Variants in PARVA observed in about 807,000 individuals in gnomAD.
PARVA encodes the protein alpha-parvin.
PARVA carries 25 observed loss-of-function variants against 52.6 expected under a neutral mutation model. The ratio of observed to expected loss-of-function variants is 0.48; its 90% confidence interval spans 0.35 to 0.66. The LOEUF (loss-of-function observed/expected upper bound fraction) is 0.66. PARVA is among the 30% of genes least tolerant of loss of function. PARVA has a pLI of 0.01. For synonymous variants in PARVA, 185 were observed against 179.1 expected, an observed-to-expected ratio of 1.03 and a Z score of -0.26; for missense variants, 373 against 450.9, an observed-to-expected ratio of 0.83 and a Z score of 1.56.
chr11:12,466,124 TG>T (rs1940851295), intron 1 of PARVA, among the ~76,000 whole-genome samples: 1 of 152,184 alleles, frequency 6.6e-6, no homozygotes, highest in African/African-American at 2.4e-5. Context: ...TATGCCTCTT[TG>T]CTATATGTAC....
intron 1 of PARVA, among the ~76,000 whole-genome samples, chr11:12,433,232 A>G (rs904805995): frequency 6.6e-5 from 10 of 152,114 alleles, no homozygotes; most frequent in African/African-American, 2.2e-4. Flanking sequence ...TCCCCACCCA[A>G]AGGATGAAAA....
upstream of PARVA, chr11:12,377,314 A>G: frequency 1.3e-6 from 1 of 794,198 alleles, no homozygotes; most frequent in Non-Finnish European, 1.8e-6. Context: ...GAGCCTGGGT[A>G]AATGAAGCTT....
At chr11:12,441,290 A>T (rs996219992) in intron 1 of PARVA, among the ~76,000 whole-genome samples, 1 of 152,138 alleles carries the variant, frequency 6.6e-6, no homozygotes, top group African/African-American at 2.4e-5. Flanking sequence ...ACCATCTGCC[A>T]TGCTTCAGAT....
At chr11:12,495,646 T>A (rs1345950675) in intron 4 of PARVA, among the ~76,000 whole-genome samples, 2 of 117,464 alleles carry the variant, frequency 1.7e-5, no homozygotes, top group East Asian at 4.2e-4. Flanking sequence ...TAAGGTGTTA[T>A]GTCATTGCAT....
chr11:12,388,605 A>C (rs1403152424), intron 1 of PARVA, among the ~76,000 whole-genome samples: 1 of 152,228 alleles, frequency 6.6e-6, no homozygotes, highest in Admixed American at 6.5e-5. Flanking sequence ...ATGGAAAAAT[A>C]GATAAAACCG....
intron 1 of PARVA, among the ~76,000 whole-genome samples, chr11:12,468,741 G>A (rs1940889633): frequency 6.6e-6 from 1 of 152,138 alleles, no homozygotes. Flanking sequence ...CAACACACTA[G>A]CTTCTTCCTT....
intron 1 of PARVA, among the ~76,000 whole-genome samples, chr11:12,447,910 T>C (rs569057404): frequency 6.6e-6 from 1 of 152,314 alleles, no homozygotes; most frequent in African/African-American, 2.4e-5. Flanking sequence ...AATCTTCTCA[T>C]ACAGAAAATG....
chr11:12,420,370 C>T (rs1940131221), intron 1 of PARVA, among the ~76,000 whole-genome samples: 1 of 152,028 alleles, frequency 6.6e-6, no homozygotes, highest in South Asian at 2.1e-4. Flanking sequence ...CCCAAGTGCA[C>T]CAAGCAAGAG....
intron 1 of PARVA, among the ~76,000 whole-genome samples, chr11:12,424,196 G>A (rs1176280190): frequency 6.6e-6 from 1 of 151,512 alleles, no homozygotes; most frequent in Non-Finnish European, 1.5e-5. Flanking sequence ...CTTTAATGTT[G>A]TGAATAGCAC....
At chr11:12,433,534 T>G (rs933934) in intron 1 of PARVA, among the ~76,000 whole-genome samples, 18,848 of 152,162 alleles carry the variant, frequency 0.12, 2,175 homozygotes, top group African/African-American at 0.31. Context: ...TTTTTAAGCT[T>G]CTAATGTTTC....
chr11:12,508,873 C>G (rs2288289), intron 7 of PARVA, among the ~76,000 whole-genome samples: 1 of 151,832 alleles, frequency 6.6e-6, no homozygotes, highest in African/African-American at 2.4e-5. Flanking sequence ...TGATTGAAAA[C>G]TTCTAATTTT....
At chr11:12,411,057 A>T (rs1375017644) in intron 1 of PARVA, among the ~76,000 whole-genome samples, 2 of 152,216 alleles carry the variant, frequency 1.3e-5, no homozygotes, top group Non-Finnish European at 2.9e-5. Flanking sequence ...CTGGCCTGGT[A>T]TAGCTACCAA....
intron 1 of PARVA, among the ~76,000 whole-genome samples, chr11:12,423,501 C>T (rs1940183777): frequency 6.6e-6 from 1 of 151,998 alleles, no homozygotes; most frequent in Non-Finnish European, 1.5e-5. Context: ...GTTCACCTAC[C>T]TCAGTCTTAT....
intron 1 of PARVA, among the ~76,000 whole-genome samples, chr11:12,434,910 C>A (rs1940366164): frequency 6.6e-6 from 1 of 152,160 alleles, no homozygotes; most frequent in South Asian, 2.1e-4. Context: ...TGGTTACAAA[C>A]CCCCAGCTTC....
At chr11:12,386,944 C>T (rs1489232674) in intron 1 of PARVA, among the ~76,000 whole-genome samples, 1 of 152,168 alleles carries the variant, frequency 6.6e-6, no homozygotes, top group African/African-American at 2.4e-5. Flanking sequence ...ATAAGTGGGC[C>T]CCGGCCCAAG....
chr11:12,488,807 T>A (rs1941195274), intron 4 of PARVA, among the ~76,000 whole-genome samples: 1 of 152,172 alleles, frequency 6.6e-6, no homozygotes, highest in African/African-American at 2.4e-5. Flanking sequence ...TTACAAGTTG[T>A]CCCAGGTCAC....
intron 4 of PARVA, among the ~76,000 whole-genome samples, chr11:12,494,185 A>G (rs1412124170): frequency 6.6e-6 from 1 of 152,240 alleles, no homozygotes; most frequent in East Asian, 1.9e-4. Context: ...ATGACCCTCC[A>G]GCACCTTTAT....
chr11:12,409,850 A>G (rs1353024972), intron 1 of PARVA, among the ~76,000 whole-genome samples: 2 of 152,256 alleles, frequency 1.3e-5, no homozygotes, highest in South Asian at 4.1e-4. Context: ...TGCACCAAAC[A>G]TTGTCAACTG....
chr11:12,460,314 T>C (rs1940760037), intron 1 of PARVA, among the ~76,000 whole-genome samples: 1 of 152,204 alleles, frequency 6.6e-6, no homozygotes, highest in Non-Finnish European at 1.5e-5. Context: ...TCTAGCTGTG[T>C]GGCCTTGTTC....
Sources: allele counts gnomAD v4.1 joint callset (sites outside exome capture counted in the v4.1 genomes callset), GRCh38; gene constraint gnomAD v4.1.1; transcripts MANE v1.5; gene names NCBI Gene and HGNC (gene_info 2026-07-23, HGNC 2026-07-21).